The following CSNK1E variants were observed in gnomAD, a reference collection of about 807,000 sequenced individuals.
CSNK1E encodes casein kinase 1 epsilon.
Under a neutral mutation model 46.1 loss-of-function variants are expected in CSNK1E, and 17 were observed. The ratio of observed to expected loss-of-function variants is 0.37; its 90% confidence interval spans 0.25 to 0.55. CSNK1E has a LOEUF of 0.55. Ranked by LOEUF, CSNK1E falls within the 20% of genes least tolerant of loss-of-function variation. CSNK1E has a pLI of 0.82. For missense variants in CSNK1E, 386 were observed against 595.4 expected, an observed-to-expected ratio of 0.65 and a Z score of 3.66; for synonymous variants, 241 against 242.6, an observed-to-expected ratio of 0.99 and a Z score of 0.06.
Position 38,296,888 on chromosome 22 carries a change from C to G in CSNK1E, c.885+1898G>C, listed in dbSNP as rs779358768. The stretch of plus-strand genomic sequence containing the variant: ...CTCCTGGGTTCAAGCGATTCTCCTG[C>G]CTCAGCCTCCCAAGCAGCTGGGATT... On this transcript the variant is annotated intron_variant, in intron 7 of 10. Transcript: ENST00000396832. The G allele has an allele frequency of 7.9e-6, 5 of 633,224 alleles. No individual in the cohort carries two copies. The South Asian group carries it at 9.6e-5, about 12-fold the overall frequency. 39.2% of individuals were successfully genotyped at this position (633,224 alleles called of 1,614,324 possible).
chr22:38,293,293 C>A lies in CSNK1E; in HGVS notation c.1245G>T (p.Gly415=). The A allele has an allele frequency of 6.2e-7, 1 of 1,612,772 alleles. No homozygotes were observed. The highest frequency in any genetic ancestry group is 1.3e-5 in the African/African-American group (1 of 74,938). The change falls in exon 10 of 11, where the codon GGG becomes GGT. Residue 415 remains glycine (G), a synonymous_variant. Transcript: ENST00000396832. ...SQTSVPFDHL[G]K Reference sequence around the variant, plus strand: ...GGTCCAATGGGGGCTCTCCTCACTTCCCGAGATGGTCAAATGGCACACTTG... The same window carrying A: ...GGTCCAATGGGGGCTCTCCTCACTTACCGAGATGGTCAAATGGCACACTTG...
At chr22:38,307,983 C>T (rs904143001) in intron 2 of CSNK1E, among the ~76,000 whole-genome samples, 1 of 152,162 alleles carries the variant, frequency 6.6e-6, no homozygotes, top group African/African-American at 2.4e-5. Flanking sequence ...AGCCACTGTG[C>T]CTGGCCCAGG....
intron 1 of CSNK1E, among the ~76,000 whole-genome samples, chr22:38,315,496 T>TGCC (rs2092740404): frequency 6.6e-6 from 1 of 152,188 alleles, no homozygotes; most frequent in Admixed American, 6.5e-5. Context: ...GGTGCCACGC[T>TGCC]GCCAGGGGAA....
In CSNK1E at chr22:38,294,573, G is replaced by A. The variant is rs902375898; in HGVS notation, c.886-39C>T. 4 of 1,537,786 alleles carry A rather than the reference G, an allele frequency of 2.6e-6. No individual in the cohort carries two copies. The highest frequency in any genetic ancestry group is 2.8e-5 in the African/African-American group (2 of 72,080). On this transcript the variant is annotated intron_variant, in intron 7 of 10. Transcript: ENST00000396832. This position sits in a 1 kb window ranked among gnomAD's most constrained non-coding sequence, Gnocchi z 5.5. ...AGAAAAGACACCAGTCAGCCCCAGA[G>A]GCCAGGGTGCTCTGGGCCCAGCAGC...
At position 38,298,202 on chromosome 22, in the gene CSNK1E, C is replaced by A. The variant is rs958073093; in HGVS notation, c.885+584G>T. The A allele has an allele frequency of 7.7e-7, 1 of 1,303,798 alleles. No individual in the cohort carries two copies. The highest frequency in any genetic ancestry group is 2.3e-5 in the Admixed American group (1 of 43,530). 80.8% of individuals were successfully genotyped at this position (1,303,798 alleles called of 1,614,324 possible). A position where few individuals can be genotyped will look rare whatever the true frequency, so the allele number is the denominator to read the frequency against. ...GGGCTGAGCCTGGCTCGAGGAAGCC[C>A]CCTTTTCCAGAAGAGATGTGAAACA... On this transcript the variant is annotated intron_variant, in intron 7 of 10. Coordinates refer to ENST00000396832, the MANE Select transcript of CSNK1E (RefSeq NM_152221.3). This position sits in a 1 kb window ranked among gnomAD's most constrained non-coding sequence, Gnocchi z 4.2.
At position 38,300,187 on chromosome 22, in the gene CSNK1E, A is replaced by G; in HGVS notation, c.566-122T>C. The G allele has an allele frequency of 1.2e-6, 1 of 856,024 alleles. No individual in the cohort carries two copies. The highest frequency in any genetic ancestry group is 1.8e-6 in the Non-Finnish European group (1 of 563,912). 53.0% of individuals were successfully genotyped at this position (856,024 alleles called of 1,614,324 possible). On this transcript the variant is annotated intron_variant, in intron 5 of 10. Coordinates refer to ENST00000396832, the MANE Select transcript of CSNK1E (RefSeq NM_152221.3). This position sits in a 1 kb window ranked among gnomAD's most constrained non-coding sequence, Gnocchi z 4.4. ...CCTGCCCCCACGTCGGATGTTGCTC[A>G]CTGCACGCATTTTAAACAGGCACTG...
At position 38,298,737 on chromosome 22, in the gene CSNK1E, C is replaced by T. The variant is rs748772741; in HGVS notation, c.885+49G>A. 1.9e-6 allele frequency: 3 copies of T among 1,609,088 alleles called. No individual in the cohort carries two copies. The highest frequency in any genetic ancestry group is 2.7e-5 in the African/African-American group (2 of 74,854). On this transcript the variant is annotated intron_variant, in intron 7 of 10. Transcript: ENST00000396832. The surrounding 1 kb of genome is among the most constrained non-coding windows in gnomAD (Gnocchi z 4.2). Reference sequence around the variant, plus strand: ...CTCACTCTGGCCCTCTGAGTCAGGGCCTTCCCCATCCAGTCCCCCAAGCCC... The same window carrying T: ...CTCACTCTGGCCCTCTGAGTCAGGGTCTTCCCCATCCAGTCCCCCAAGCCC...
rs1181660664 is a variant in CSNK1E at position 38,293,331 on chromosome 22, G to A, written c.1219-12C>T. ...AATGGCACACTTGTCTTTTGAGGGTGGGGAGGGAGAGAGGGGGAGGGAGAG... is the reference window on the plus strand; with the variant it reads ...AATGGCACACTTGTCTTTTGAGGGTAGGGAGGGAGAGAGGGGGAGGGAGAG... On this transcript the variant is annotated splice_polypyrimidine_tract_variant and intron_variant, in intron 9 of 10. Transcript: ENST00000396832. The A allele has an allele frequency of 1.3e-6, 2 of 1,594,896 alleles. No homozygotes were observed. Among genetic ancestry groups the A allele is most frequent in the South Asian group, 1.1e-5 (1 of 90,560 alleles).
At position 38,300,938 on chromosome 22, in the gene CSNK1E, C is replaced by T. The variant is rs756925412; in HGVS notation, c.351G>A (p.Glu117=). Residue 117 remains glutamate, a synonymous_variant, in exon 5 of 11, where the codon GAG becomes GAA. Coordinates refer to ENST00000396832, the MANE Select transcript of CSNK1E (RefSeq NM_152221.3). The surrounding 1 kb of genome is among the most constrained non-coding windows in gnomAD (Gnocchi z 4.4). ...LLADQMISRI[E]YIHSKNFIHR... ...GGATGAAGTTCTTGGAGTGGATATA[C>T]TCGATGCGGCTGATCTGGGGAGGAG... 12 of 1,614,110 alleles carry T rather than the reference C, an allele frequency of 7.4e-6. No individual in the cohort carries two copies. The South Asian group carries it at 1.3e-4, about 18-fold the overall frequency.
chr22:38,291,538 GAACTGCCTTC>G lies in CSNK1E; in HGVS notation c.*423_*432del, dbSNP rs1224625884. 6.6e-6 allele frequency: 1 copy of G among 152,286 alleles called. No homozygotes were observed. Among genetic ancestry groups the G allele is most frequent in the Non-Finnish European group, 1.5e-5 (1 of 68,154 alleles). 9.4% of individuals were successfully genotyped at this position (152,286 alleles called of 1,614,324 possible). ...TTCTGAGGCTCGGAAAACTCGGTGG[GAACTGCCTTC>G]AACTGACTACACCACTCCCTGATGA... is the stretch of plus-strand genomic sequence containing the variant. On this transcript the variant is annotated 3_prime_UTR_variant, in exon 11 of 11. Transcript: ENST00000396832.
intron 9 of CSNK1E, 122 bp from the exon 10 acceptor site, chr22:38,293,441 C>A: frequency 1.6e-6 from 1 of 642,156 alleles, no homozygotes; most frequent in East Asian, 2.6e-5. Flanking sequence ...GGAGGTGTAC[C>A]CCCACCCCCA....
chr22:38,299,860 C>G, intron 6 of CSNK1E, 35 bp downstream of exon 6: 2 of 1,603,374 alleles, frequency 1.2e-6, no homozygotes, highest in Non-Finnish European at 1.7e-6. Flanking sequence ...GCCTCAGGGG[C>G]CCCCAGGCAT....
chr22:38,294,341 C>T lies in CSNK1E; in HGVS notation c.1078+1G>A. 1 of 1,578,124 alleles carries T rather than the reference C, an allele frequency of 6.3e-7. No homozygotes were observed. The highest frequency in any genetic ancestry group is 8.6e-7 in the Non-Finnish European group (1 of 1,165,298). On this transcript the variant is annotated splice_donor_variant, in intron 8 of 10. Transcript: ENST00000396832. LOFTEE classifies it high-confidence loss of function. This position sits in a 1 kb window ranked among gnomAD's most constrained non-coding sequence, Gnocchi z 5.5. ...AGCCCACTGCCTGAGTCCCTGCTCA[C>T]CAGCCGGCTGGATGCGGGAGGCTGG...
In CSNK1E at chr22:38,294,011, C is replaced by T. The variant is rs1022045975; in HGVS notation, c.1218+98G>A. 80 of 1,404,262 alleles carry T rather than the reference C, an allele frequency of 5.7e-5. No homozygotes were observed. Among genetic ancestry groups the T allele is most frequent in the Non-Finnish European group, 6.9e-5 (72 of 1,039,628 alleles). 87.0% of individuals were successfully genotyped at this position (1,404,262 alleles called of 1,614,324 possible). A position where few individuals can be genotyped will look rare whatever the true frequency, so the allele number is the denominator to read the frequency against. ...GGGTTCACTCCAAGGCAAGCAGCGTCGATGGAAAGGGAAGAACAGAGCCAC... is the reference window on the plus strand; with the variant it reads ...GGGTTCACTCCAAGGCAAGCAGCGTTGATGGAAAGGGAAGAACAGAGCCAC... On this transcript the variant is annotated intron_variant, in intron 9 of 10. Coordinates refer to ENST00000396832, the MANE Select transcript of CSNK1E (RefSeq NM_152221.3). This position sits in a 1 kb window ranked among gnomAD's most constrained non-coding sequence, Gnocchi z 5.5.
At chr22:38,302,187 G>C (rs1270697623) in intron 4 of CSNK1E, among the ~76,000 whole-genome samples, 3 of 152,050 alleles carry the variant, frequency 2.0e-5, no homozygotes, top group African/African-American at 7.2e-5. Context: ...CTGTGTGACC[G>C]ACCGCAGGCT....
rs2092754021 is a variant in CSNK1E at position 38,317,403 on chromosome 22, GC to G, written c.-257del. 1.2e-4 allele frequency: 2 copies of G among 17,136 alleles called. No homozygotes were observed. Among genetic ancestry groups the G allele is most frequent in the Non-Finnish European group, 2.5e-4 (2 of 7,894 alleles). 1.1% of individuals were successfully genotyped at this position (17,136 alleles called of 1,614,324 possible). On this transcript the variant is annotated 5_prime_UTR_variant, in exon 1 of 11. Coordinates refer to ENST00000396832, the MANE Select transcript of CSNK1E (RefSeq NM_152221.3). ...CCTCCTCCCGGCCTCCTGCCCGCCC[GC>G]CCGCCCCCGCCGCCGGCTCGCGCGC...
rs940820496 is a variant in CSNK1E, at chr22:38,294,387, C to T, written c.1033G>A (p.Ala345Thr). 4 of 1,556,066 alleles carry T rather than the reference C, an allele frequency of 2.6e-6. No homozygotes were observed. Among genetic ancestry groups the T allele is most frequent in the African/African-American group, 1.4e-5 (1 of 73,666 alleles). ...GATANRLRSA[A>T]EPVASTPASR... ...GCTGGCGTGGAAGCCACGGGCTCGG[C>T]GGCACTGCGGAGCCGGTTGGCAGTG... The change falls in exon 8 of 11, where the codon GCC (alanine) becomes ACC (threonine). Residue 345 changes from alanine (A) to threonine (T), a missense_variant. This residue lies in a region of CSNK1E where 174 missense variants were observed against 185.2 expected (regional missense o/e 0.94). Transcript: ENST00000396832. The surrounding 1 kb of genome is among the most constrained non-coding windows in gnomAD (Gnocchi z 5.5).
At chr22:38,297,086 C>G (rs920004394) in intron 7 of CSNK1E, 1 of 773,078 alleles carries the variant, frequency 1.3e-6, no homozygotes. Flanking sequence ...CATTTCCAGT[C>G]TTGATTAATT....
chr22:38,317,458 C>T (rs1193483160), upstream of CSNK1E: 2 of 142,436 alleles, frequency 1.4e-5, no homozygotes, highest in Non-Finnish European at 3.1e-5. Flanking sequence ...CGCCGGCTCC[C>T]ATTGAGCCCC....
Sources: gnomAD v4.1 joint callset for allele counts (sites outside exome capture counted in the v4.1 genomes callset) on GRCh38, gnomAD v4.1.1 for gene constraint, gnomAD v4.1.1 regional missense constraint, Gnocchi (gnomAD v3.1) non-coding constraint, MANE v1.5 for transcripts, NCBI Gene and HGNC (gene_info 2026-07-23, HGNC 2026-07-21) for gene names.